The following ARSJ variants were observed in gnomAD, a reference collection of about 807,000 sequenced individuals.
The protein encoded by ARSJ is arylsulfatase family member J, also known as arylsulfatase J.
In ARSJ, 26 loss-of-function variants were observed where a neutral mutation model predicts 35.9. The observed-to-expected ratio is 0.72, with a 90% CI of 0.53 to 1.00. ARSJ has a LOEUF of 1.00. Among genes scored for constraint, ARSJ ranks in the 50% least tolerant of loss-of-function variants. The pLI is 0.00. For missense variants in ARSJ, 667 were observed against 723.6 expected (o/e 0.92, Z 0.90); for synonymous variants, 294 against 267.6 (o/e 1.10, Z -0.96).
At chr4:113,958,139 C>A (rs1562370013) in intron 1 of ARSJ, among the ~76,000 whole-genome samples, 4 of 152,050 alleles carry the variant, frequency 2.6e-5, no homozygotes, top group Non-Finnish European at 4.4e-5. Context: ...TTGCCACTGC[C>A]TGGAGCCTCT....
chr4:113,929,426 T>C (rs1393738112), intron 1 of ARSJ, among the ~76,000 whole-genome samples: 4 of 151,944 alleles, frequency 2.6e-5, no homozygotes, highest in African/African-American at 4.8e-5. Context: ...GATGGAAGCA[T>C]GGGTTGGGGC....
chr4:113,971,918 C>T (rs748744059), intron 1 of ARSJ, among the ~76,000 whole-genome samples: 1 of 152,164 alleles, frequency 6.6e-6, no homozygotes, highest in South Asian at 2.1e-4. Flanking sequence ...ACACACATGC[C>T]TATCAAATGA....
chr4:113,933,144 C>G (rs978587481), intron 1 of ARSJ, among the ~76,000 whole-genome samples: 1 of 151,452 alleles, frequency 6.6e-6, no homozygotes, highest in African/African-American at 2.4e-5. Flanking sequence ...GTACAGCCTG[C>G]CAAAATAGAA....
In ARSJ at chr4:113,963,667, G is replaced by A. The variant is rs1003672816; in HGVS notation, c.398+14770C>T. Among the ~76,000 whole-genome samples the A allele has an allele frequency of 3.3e-5, 5 of 152,028 alleles. No homozygotes were observed. The East Asian group carries it at 9.7e-4, about 29-fold the overall frequency. On this transcript the variant is annotated intron_variant, in intron 1 of 1. Coordinates refer to ENST00000315366, the MANE Select transcript of ARSJ (RefSeq NM_024590.4). ...CTAGAACAGCACCTGGCAAAGAGTA[G>A]GTTCTCAATATTGAATGAATGGATG...
intron 1 of ARSJ, among the ~76,000 whole-genome samples, chr4:113,959,960 G>C (rs1332585018): frequency 1.3e-5 from 2 of 151,870 alleles, no homozygotes; most frequent in Admixed American, 6.6e-5. Flanking sequence ...GTTCATTGGG[G>C]TATTAAGTAA....
In ARSJ at chr4:113,956,546, G is replaced by T. The variant is rs141319355; in HGVS notation, c.398+21891C>A. Among the ~76,000 whole-genome samples the T allele has an allele frequency of 4.5e-3, 687 of 152,144 alleles. 5 individuals are homozygous for T. Among genetic ancestry groups the T allele is most frequent in the South Asian group, 0.015 (72 of 4,822 alleles). On this transcript the variant is annotated intron_variant, in intron 1 of 1. Coordinates refer to ENST00000315366, the MANE Select transcript of ARSJ (RefSeq NM_024590.4). ...CCTATCTTTTTGAAGAGCTCAAAGT[G>T]CAATGGAGAAGAAAGCAATGAATAA...
intron 1 of ARSJ, chr4:113,943,506 A>G (rs2149270853): frequency 6.6e-6 from 1 of 152,188 alleles, no homozygotes; most frequent in Non-Finnish European, 1.5e-5. Flanking sequence ...TGTGCCAGGT[A>G]CTAGTATAGA....
In ARSJ at chr4:113,979,507, A is replaced by G. The variant is rs1727805503; in HGVS notation, c.-673T>C. On this transcript the variant is annotated 5_prime_UTR_variant, in exon 1 of 2. Coordinates refer to ENST00000315366, the MANE Select transcript of ARSJ (RefSeq NM_024590.4). ...TTTCCTGATCTCCCTCCACCTCCGC[A>G]GAAACTCCGGGCAGCAATTCCTTTT... 6.6e-6 allele frequency: 1 copy of G among 152,352 alleles called. No homozygotes were observed. Among genetic ancestry groups the G allele is most frequent in the Admixed American group, 6.5e-5 (1 of 15,288 alleles). 9.4% of individuals were successfully genotyped at this position (152,352 alleles called of 1,614,324 possible).
chr4:113,941,270 C>T (rs914069459), intron 1 of ARSJ, among the ~76,000 whole-genome samples: 2 of 152,010 alleles, frequency 1.3e-5, no homozygotes, highest in Admixed American at 1.3e-4. Flanking sequence ...AAACACTTTG[C>T]AGTTACATAC....
intron 1 of ARSJ, among the ~76,000 whole-genome samples, chr4:113,945,343 G>A (rs1725409520): frequency 1.3e-5 from 2 of 151,944 alleles, no homozygotes; most frequent in African/African-American, 2.4e-5. Context: ...TCACTATGTT[G>A]CCTAGACTGG....
In ARSJ at chr4:113,902,486, C is replaced by A. The variant is rs748752008; in HGVS notation, c.1588G>T (p.Ala530Ser). The change falls in exon 2 of 2, where the codon GCA becomes TCA. Residue 530 changes from alanine (A) to serine (S), a missense_variant. Transcript: ENST00000315366. ...LRRLSQFNKT[A>S]VPVRYPPKDP... is the part of the protein sequence containing the mutation. The stretch of plus-strand genomic sequence containing the variant: ...TTGGGGGGATACCTGACCGGCACTG[C>A]AGTTTTGTTGAACTGTGAGAGCCTC... The A allele has an allele frequency of 1.9e-6, 3 of 1,614,160 alleles. No individual in the cohort carries two copies. Among genetic ancestry groups the A allele is most frequent in the South Asian group, 1.1e-5 (1 of 91,084 alleles).
chr4:113,916,591 T>C (rs1462903232), intron 1 of ARSJ, among the ~76,000 whole-genome samples: 1 of 152,140 alleles, frequency 6.6e-6, no homozygotes, highest in Non-Finnish European at 1.5e-5. Flanking sequence ...TTCTGCTCTA[T>C]TGTGTGCAAG....
chr4:113,926,378 C>G (rs1341339024), intron 1 of ARSJ, among the ~76,000 whole-genome samples: 1 of 152,196 alleles, frequency 6.6e-6, no homozygotes, highest in Admixed American at 6.5e-5. Context: ...TGGAAGATTT[C>G]CCTTCACCTC....
intron 1 of ARSJ, among the ~76,000 whole-genome samples, chr4:113,963,908 G>A (rs528218320): frequency 2.6e-5 from 4 of 151,964 alleles, no homozygotes; most frequent in Non-Finnish European, 4.4e-5. Context: ...TACATCATGG[G>A]TTTGAGGTGA....
intron 1 of ARSJ, among the ~76,000 whole-genome samples, chr4:113,921,082 T>TACACACACACAC (rs746326993): frequency 2.3e-5 from 3 of 129,552 alleles, no homozygotes; most frequent in African/African-American, 8.1e-5. Flanking sequence ...TTCCCTGAAA[T>TACACACACACAC]ACACACACAC....
intron 1 of ARSJ, among the ~76,000 whole-genome samples, chr4:113,964,631 T>C (rs1342330352): frequency 1.3e-5 from 2 of 152,042 alleles, no homozygotes; most frequent in Non-Finnish European, 2.9e-5. Context: ...CATATGCATA[T>C]AGCAGGTGTT....
rs190801899 is a variant in ARSJ at position 113,937,380 on chromosome 4, G to C, written c.399-33705C>G. Among the ~76,000 whole-genome samples, 15 of 152,062 alleles carry C rather than the reference G, an allele frequency of 9.9e-5. No homozygotes were observed. The East Asian group carries it at 2.9e-3, about 30-fold the overall frequency. The stretch of plus-strand genomic sequence containing the variant: ...ATGGATAATAAAGTAGGTATTGATG[G>C]AGCATAACTCAAAATAATAAGAGCC... On this transcript the variant is annotated intron_variant, in intron 1 of 1. Transcript: ENST00000315366.
At chr4:113,924,690 G>A (rs557904063) in intron 1 of ARSJ, among the ~76,000 whole-genome samples, 1 of 152,042 alleles carries the variant, frequency 6.6e-6, no homozygotes, top group African/African-American at 2.4e-5. Context: ...AAAGCTGATA[G>A]AAAGTCAATA....
At chr4:113,948,925 A>G (rs1329269646) in intron 1 of ARSJ, among the ~76,000 whole-genome samples, 2 of 152,160 alleles carry the variant, frequency 1.3e-5, no homozygotes, top group Admixed American at 6.5e-5. Context: ...AATAGCAAGG[A>G]CTTGGAACCA....
Sources: allele counts gnomAD v4.1 joint callset (sites outside exome capture counted in the v4.1 genomes callset), GRCh38; gene constraint gnomAD v4.1.1; transcripts MANE v1.5; gene names NCBI Gene and HGNC (gene_info 2026-07-23, HGNC 2026-07-21).